The following TCF12 variants were observed in gnomAD, a reference collection of about 807,000 sequenced individuals.
TCF12 encodes the protein transcription factor 12, also known as DNA-binding protein HTF4.
TCF12 carries 45 observed loss-of-function variants against 86.0 expected under a neutral mutation model. The observed-to-expected ratio is 0.52, with a 90% confidence interval of 0.41 to 0.67. The LOEUF is 0.67. TCF12 is among the 30% of genes least tolerant of loss of function. The pLI is 0.00. For missense variants in TCF12, 881 were observed against 859.9 expected (o/e 1.02, Z -0.31); for synonymous variants, 330 against 299.6 (o/e 1.10, Z -1.05).
intron 5 of TCF12, among the ~76,000 whole-genome samples, chr15:57,156,485 T>C (rs1360044501): frequency 6.6e-6 from 1 of 152,250 alleles, no homozygotes; most frequent in African/African-American, 2.4e-5. Context: ...AAATAGTTGA[T>C]GAATGGTAGC....
At chr15:57,251,125 T>A (rs2060097346) in intron 13 of TCF12, 1 of 430,806 alleles carries the variant, frequency 2.3e-6, no homozygotes, top group African/African-American at 2.0e-5. Context: ...GTATTTAAAA[T>A]TACAGGGTTT....
intron 3 of TCF12, among the ~76,000 whole-genome samples, chr15:57,043,597 C>T (rs1485054925): frequency 1.3e-5 from 2 of 152,112 alleles, no homozygotes; most frequent in African/African-American, 4.8e-5. Flanking sequence ...ACAAAGAAGA[C>T]ACCTGTATGT....
intron 3 of TCF12, among the ~76,000 whole-genome samples, chr15:57,053,207 T>G (rs76881775): frequency 2.6e-5 from 4 of 152,210 alleles, no homozygotes; most frequent in Admixed American, 2.6e-4. Context: ...ATTCATATTT[T>G]CCTGATATGT....
At chr15:57,100,216 C>T (rs1291045326) in intron 5 of TCF12, among the ~76,000 whole-genome samples, 9 of 152,024 alleles carry the variant, frequency 5.9e-5, no homozygotes, top group African/African-American at 1.5e-4. Context: ...TGACAGGGGC[C>T]GTGGCTACTT....
intron 4 of TCF12, among the ~76,000 whole-genome samples, chr15:57,074,916 A>T (rs1304775889): frequency 6.6e-6 from 1 of 152,244 alleles, no homozygotes; most frequent in Non-Finnish European, 1.5e-5. Flanking sequence ...GATTGGTGTC[A>T]TCAATAATGG....
At position 56,977,081 on chromosome 15, in the gene TCF12, A is replaced by G. The variant is rs2062643851; in HGVS notation, c.148+55983A>G. On this transcript the variant is annotated intron_variant, in intron 3 of 20. Transcript: ENST00000333725. ...GCAGAAGGTTATATTGAGCAGTTACATTAGTTTCTTAAGGCTGCCATAACA... is the reference window on the plus strand; with the variant it reads ...GCAGAAGGTTATATTGAGCAGTTACGTTAGTTTCTTAAGGCTGCCATAACA... Among the ~76,000 whole-genome samples the G allele has an allele frequency of 3.9e-5, 6 of 152,298 alleles. No individual in the cohort carries two copies. The South Asian group carries it at 1.2e-3, about 32-fold the overall frequency.
In TCF12 at chr15:56,958,150, T is replaced by C. The variant is rs185618183; in HGVS notation, c.148+37052T>C. Among the ~76,000 whole-genome samples the C allele has an allele frequency of 3.2e-4, 49 of 152,318 alleles. No individual in the cohort carries two copies. The East Asian group carries it at 8.9e-3, about 28-fold the overall frequency. ...AAGTTGAACTTTTTGCAGGAGTTTT[T>C]ACCTGCTCTCAGGTTCTCTGCCCTG... On this transcript the variant is annotated intron_variant, in intron 3 of 20. Coordinates refer to ENST00000333725, the MANE Select transcript of TCF12 (RefSeq NM_207037.2).
In TCF12 at chr15:56,961,293, A is replaced by G. The variant is rs565523021; in HGVS notation, c.148+40195A>G. Among the ~76,000 whole-genome samples the G allele has an allele frequency of 3.3e-4, 51 of 152,332 alleles. 1 individual carries two copies. The South Asian group carries it at 0.01, about 31-fold the overall frequency. Reference sequence around the variant, plus strand: ...CTTGTATGCTGTGCTAATAATTGCAATAGAAATATATACCGTTTTGGATTT... The same window carrying G: ...CTTGTATGCTGTGCTAATAATTGCAGTAGAAATATATACCGTTTTGGATTT... On this transcript the variant is annotated intron_variant, in intron 3 of 20. Transcript: ENST00000333725.
chr15:57,223,654 T>TTGGTTTTTTTTTTG (rs56405255), intron 8 of TCF12, among the ~76,000 whole-genome samples: 2 of 130,026 alleles, frequency 1.5e-5, no homozygotes, highest in Middle Eastern at 3.9e-3. Flanking sequence ...TTTTTTTTTT[T>TTGGTTTTTTTTTTG]TTTTTTTTTT....
At chr15:57,174,743 G>A (rs987405262) in intron 6 of TCF12, among the ~76,000 whole-genome samples, 11 of 152,204 alleles carry the variant, frequency 7.2e-5, no homozygotes, top group Admixed American at 5.2e-4. Flanking sequence ...GCAAAAATTA[G>A]AAAATAAAAT....
intron 8 of TCF12, among the ~76,000 whole-genome samples, chr15:57,230,506 G>A (rs985115966): frequency 2.0e-5 from 3 of 151,998 alleles, no homozygotes; most frequent in African/African-American, 7.2e-5. Context: ...CTTATCTAAA[G>A]CAAGGGTTTA....
At position 57,170,715 on chromosome 15, in the gene TCF12, A is replaced by ATATAT. The variant is rs1567559010; in HGVS notation, c.390+4250_390+4254dup. Reference sequence around the variant, plus strand: ...ATATATATTATATATAATATATAATATATATATTATATATTATATATAATA... The same window carrying ATATAT: ...ATATATATTATATATAATATATAATATATATTATATATTATATATTATATATAATA... On this transcript the variant is annotated intron_variant, in intron 6 of 20. Coordinates refer to ENST00000333725, the MANE Select transcript of TCF12 (RefSeq NM_207037.2). Among the ~76,000 whole-genome samples the ATATAT allele has an allele frequency of 9.2e-3, 105 of 11,364 alleles. 4 individuals are homozygous for ATATAT. Among genetic ancestry groups the ATATAT allele is most frequent in the African/African-American group, 0.033 (102 of 3,110 alleles). The allele number at this position is 11,364 out of a possible 152,430, so 7.5% of individuals were successfully genotyped here.
chr15:57,146,078 G>T (rs1239781591), intron 5 of TCF12, among the ~76,000 whole-genome samples: 1 of 152,000 alleles, frequency 6.6e-6, no homozygotes, highest in African/African-American at 2.4e-5. Context: ...AAAGCTATTT[G>T]TAACTTAGGG....
At chr15:57,284,636 G>C (rs1385365529) in intron 20 of TCF12, among the ~76,000 whole-genome samples, 1 of 152,268 alleles carries the variant, frequency 6.6e-6, no homozygotes, top group East Asian at 1.9e-4. Context: ...TCAGGTCCCA[G>C]ATAACCACCA....
intron 6 of TCF12, among the ~76,000 whole-genome samples, chr15:57,170,215 C>T (rs1567556170): frequency 6.6e-6 from 1 of 152,088 alleles, no homozygotes; most frequent in African/African-American, 2.4e-5. Context: ...ATTTCAACTC[C>T]GTGCCCTTAT....
intron 3 of TCF12, among the ~76,000 whole-genome samples, chr15:56,997,083 G>A (rs921422034): frequency 5.9e-5 from 9 of 152,072 alleles, no homozygotes; most frequent in Non-Finnish European, 1.2e-4. Context: ...CAAAGACCTG[G>A]GAGTTGAACT....
intron 3 of TCF12, among the ~76,000 whole-genome samples, chr15:57,013,716 A>G (rs1422177022): frequency 5.3e-5 from 8 of 152,248 alleles, no homozygotes; most frequent in Admixed American, 4.6e-4. Context: ...GGAGATAACT[A>G]TAGTGTAGAG....
At chr15:56,935,280 G>A (rs1258152292) in intron 3 of TCF12, among the ~76,000 whole-genome samples, 10 of 151,976 alleles carry the variant, frequency 6.6e-5, no homozygotes, top group African/African-American at 9.7e-5. Context: ...TAGATTTGGT[G>A]GCTTACACGA....
intron 4 of TCF12, among the ~76,000 whole-genome samples, chr15:57,083,180 G>A (rs1376398493): frequency 6.6e-6 from 1 of 152,060 alleles, no homozygotes; most frequent in Non-Finnish European, 1.5e-5. Context: ...GCTTCTAATG[G>A]GAATTATAAT....
Sources: gnomAD v4.1 joint callset for allele counts (sites outside exome capture counted in the v4.1 genomes callset) on GRCh38, gnomAD v4.1.1 for gene constraint, MANE v1.5 for transcripts, NCBI Gene and HGNC (gene_info 2026-07-23, HGNC 2026-07-21) for gene names.